Variants in NRDE2 observed in about 807,000 individuals in gnomAD.
The protein encoded by NRDE2 is nuclear exosome regulator NRDE2.
Under a neutral mutation model 124.2 loss-of-function variants are expected in NRDE2, and 76 were observed. That is an observed-to-expected ratio of 0.61 (90% confidence interval 0.51 to 0.74). The LOEUF (loss-of-function observed/expected upper bound fraction) is 0.74, where lower values mean the gene tolerates loss of function less well. Ranked by LOEUF, NRDE2 falls within the 30% of genes least tolerant of loss-of-function variation. The probability of loss-of-function intolerance (pLI) is 0.00; values close to 1 mark genes in which losing one functional copy is unlikely to be tolerated. For missense variants in NRDE2, 1,314 were observed against 1,417.3 expected, an observed-to-expected ratio of 0.93 and a Z score of 1.17; for synonymous variants, 489 against 528.1, an observed-to-expected ratio of 0.93 and a Z score of 1.01.
chr14:90,315,799 T>C (rs1885021658), intron 3 of NRDE2, among the ~76,000 whole-genome samples: 1 of 150,480 alleles, frequency 6.6e-6, no homozygotes, highest in East Asian at 2.0e-4. Flanking sequence ...CTACTAAAAA[T>C]ACAAAAAATT....
chr14:90,292,744 T>TA lies in NRDE2; in HGVS notation c.1794dup (p.Lys599Ter), dbSNP rs1231391402. On this transcript the variant is annotated frameshift_variant, in exon 9 of 14. Transcript: ENST00000354366. LOFTEE classifies it high-confidence loss of function. The stretch of plus-strand genomic sequence containing the variant: ...TCTTCCTCGGTTTGCTTCTTGGTCT[T>TA]ATCAGGGCGCCAGGGCCGCCAGTGC... The TA allele has an allele frequency of 2.5e-6, 4 of 1,614,068 alleles. No homozygotes were observed. Among genetic ancestry groups the TA allele is most frequent in the Admixed American group, 1.7e-5 (1 of 60,008 alleles).
intron 1 of NRDE2, among the ~76,000 whole-genome samples, chr14:90,328,608 T>G (rs906533165): frequency 1.3e-5 from 2 of 152,184 alleles, no homozygotes; most frequent in Admixed American, 6.5e-5. Flanking sequence ...CAGAGAACGT[T>G]AGACAGGGCA....
chr14:90,285,255 A>T (rs1892067308), intron 12 of NRDE2, among the ~76,000 whole-genome samples: 1 of 149,900 alleles, frequency 6.7e-6, no homozygotes, highest in South Asian at 2.1e-4. Flanking sequence ...TGGGCAACAG[A>T]ATGAGACCTT....
chr14:90,304,858 T>C (rs1484332455), intron 4 of NRDE2, among the ~76,000 whole-genome samples: 1 of 152,202 alleles, frequency 6.6e-6, no homozygotes, highest in Non-Finnish European at 1.5e-5. Flanking sequence ...CTTAAGAAGA[T>C]AACATATAGG....
Position 90,269,313 on chromosome 14 carries a change from T to C in NRDE2, c.*9023A>G. ...AACAGGAATGTTTGTTAAGGTGTTT[T>C]GTCACAATGAGGTCTTTGCTGTAAT... On this transcript the variant is annotated 3_prime_UTR_variant, in exon 14 of 14. Coordinates refer to ENST00000354366, the MANE Select transcript of NRDE2 (RefSeq NM_017970.4). 4.1e-6 allele frequency: 5 copies of C among 1,218,482 alleles called. No individual in the cohort carries two copies. The highest frequency in any genetic ancestry group is 5.7e-6 in the Non-Finnish European group (5 of 876,098). The allele number at this position is 1,218,482 out of a possible 1,614,324, so 75.5% of individuals were successfully genotyped here. A position where few individuals can be genotyped will look rare whatever the true frequency, so the allele number is the denominator to read the frequency against.
At chr14:90,302,375 T>C (rs575326757) in intron 6 of NRDE2, among the ~76,000 whole-genome samples, 25 of 152,294 alleles carry the variant, frequency 1.6e-4, no homozygotes, top group African/African-American at 4.6e-4. Flanking sequence ...CTCACGGACA[T>C]TACTGCCTGG....
At chr14:90,295,467 A>T (rs1049280498) in intron 8 of NRDE2, among the ~76,000 whole-genome samples, 4 of 152,198 alleles carry the variant, frequency 2.6e-5, no homozygotes, top group African/African-American at 9.6e-5. Flanking sequence ...CTAAAGATCT[A>T]TGTTTAAAGT....
intron 6 of NRDE2, 98 bp downstream of exon 6, chr14:90,302,622 C>G: frequency 7.8e-7 from 1 of 1,275,080 alleles, no homozygotes; most frequent in South Asian, 1.6e-5. Context: ...ACAATTTAGA[C>G]TTTTTCTAGA....
intron 12 of NRDE2, 62 bp downstream of exon 12, chr14:90,286,292 C>T: frequency 6.5e-7 from 1 of 1,539,618 alleles, no homozygotes; most frequent in Non-Finnish European, 8.8e-7. Flanking sequence ...TAAATACCTT[C>T]TCATTTATGA....
At chr14:90,294,857 G>A (rs772625406) in intron 8 of NRDE2, among the ~76,000 whole-genome samples, 1 of 152,118 alleles carries the variant, frequency 6.6e-6, no homozygotes, top group Admixed American at 6.6e-5. Context: ...TTTTGTTAAT[G>A]TTATATACCT....
In NRDE2 at chr14:90,290,585, T is replaced by C. The variant is rs765622805; in HGVS notation, c.1865A>G (p.Gln622Arg). The change falls in exon 10 of 14, where the codon CAA becomes CGA. Residue 622 changes from glutamine (Q) to arginine (R), a missense_variant. By Grantham distance (43) the Gln-to-Arg change is conservative. Coordinates refer to ENST00000354366, the MANE Select transcript of NRDE2 (RefSeq NM_017970.4). ...ERQVLFDDIG[Q>R]SLIRLSSHDL... is the part of the protein sequence containing the mutation. ...ATGGCTGGAAAGTCTGATCAAAGAT[T>C]GCCCAATATCATCAAACAACACCTG... 8 of 1,609,194 alleles carry C rather than the reference T, an allele frequency of 5.0e-6. No individual in the cohort carries two copies. Among genetic ancestry groups the C allele is most frequent in the South Asian group, 2.2e-5 (2 of 90,778 alleles).
Position 90,278,201 on chromosome 14 carries a change from CCCA to C in NRDE2, c.*132_*134del, listed in dbSNP as rs1418272162. The C allele has an allele frequency of 9.8e-7, 1 of 1,017,560 alleles. No individual in the cohort carries two copies. The highest frequency in any genetic ancestry group is 1.6e-5 in the African/African-American group (1 of 62,730). 63.0% of individuals were successfully genotyped at this position (1,017,560 alleles called of 1,614,324 possible). A position where few individuals can be genotyped will look rare whatever the true frequency, so the allele number is the denominator to read the frequency against. ...TGTGCAAGATGTGAGAGGCTGGCAG[CCCA>C]CATTATTACTATCGAGAAAGAACAT... On this transcript the variant is annotated 3_prime_UTR_variant, in exon 14 of 14. Coordinates refer to ENST00000354366, the MANE Select transcript of NRDE2 (RefSeq NM_017970.4).
chr14:90,316,685 C>T lies in NRDE2; in HGVS notation c.300G>A (p.Arg100=). Residue 100 remains arginine, a synonymous_variant, in exon 3 of 14, where the codon AGG becomes AGA. Transcript: ENST00000354366. ...TGCTGCTACTCGACGGCCCATGCTT[C>T]CTCTTTGTTTTCTTATGATGCTGAT... is the stretch of plus-strand genomic sequence containing the variant. The part of the protein sequence containing the change: ...RKHQHHKKTK[R]KHGPSSSSRS... 2.5e-6 allele frequency: 4 copies of T among 1,614,112 alleles called. No homozygotes were observed. The highest frequency in any genetic ancestry group is 3.4e-6 in the Non-Finnish European group (4 of 1,180,010).
Position 90,303,103 on chromosome 14 carries a change from C to G in NRDE2, c.1028G>C (p.Gly343Ala). Reference sequence around the variant, plus strand: ...CTCTCCTTCCTCGATGGCATACAGGCCAGGACTTTTCATGACCTCGTCCTC... The same window carrying G: ...CTCTCCTTCCTCGATGGCATACAGGGCAGGACTTTTCATGACCTCGTCCTC... ...AFQDEVMKSP[G>A]LYAIEEGEQE... Residue 343 changes from glycine to alanine, a missense_variant, in exon 6 of 14, where the codon GGC (glycine) becomes GCC (alanine). Gly to Ala is a moderately conservative substitution (Grantham distance 60). Transcript: ENST00000354366. The G allele has an allele frequency of 1.2e-6, 2 of 1,613,534 alleles. No homozygotes were observed. The highest frequency in any genetic ancestry group is 1.7e-6 in the Non-Finnish European group (2 of 1,179,778).
intron 6 of NRDE2, among the ~76,000 whole-genome samples, 190 bp from the exon 7 acceptor site, chr14:90,301,562 T>C (rs1884404591): frequency 6.6e-6 from 1 of 152,234 alleles, no homozygotes; most frequent in African/African-American, 2.4e-5. Context: ...GTATGTTTGT[T>C]CTAATTTTTG....
chr14:90,288,355 A>G lies in NRDE2; in HGVS notation c.3020T>C (p.Ile1007Thr), dbSNP rs1441623086. 2.5e-6 allele frequency: 4 copies of G among 1,614,160 alleles called. No homozygotes were observed. Among genetic ancestry groups the G allele is most frequent in the Non-Finnish European group, 3.4e-6 (4 of 1,180,024 alleles). The change falls in exon 11 of 14, where the codon ATT (isoleucine) becomes ACT (threonine). Residue 1007 changes from isoleucine to threonine, a missense_variant. Coordinates refer to ENST00000354366, the MANE Select transcript of NRDE2 (RefSeq NM_017970.4). The part of the protein sequence containing the change: ...NQVLWRSYVQ[I>T]QNKSHSASKT... Reference sequence around the variant, plus strand: ...GCTGGCACTGTGGGACTTATTCTGAATCTGTACATAGGACCTCCAAAGAAC... The same window carrying G: ...GCTGGCACTGTGGGACTTATTCTGAGTCTGTACATAGGACCTCCAAAGAAC...
At chr14:90,286,544 C>T in intron 11 of NRDE2, 52 bp from the exon 12 acceptor site, 2 of 1,585,790 alleles carry the variant, frequency 1.3e-6, no homozygotes, top group Middle Eastern at 1.7e-4. Context: ...CATCCTACAT[C>T]ACAGAAGGAA....
At chr14:90,286,522 C>T (rs377535383) in intron 11 of NRDE2, 30 bp from the exon 12 acceptor site, 1 of 1,604,124 alleles carries the variant, frequency 6.2e-7, no homozygotes. Context: ...GTGACTCTGA[C>T]ACAAGCTCTC....
chr14:90,312,633 A>G (rs1427878911), intron 3 of NRDE2, 90 bp from the exon 4 acceptor site: 10 of 1,228,648 alleles, frequency 8.1e-6, no homozygotes, highest in Non-Finnish European at 1.2e-5. Context: ...TGAGAGTTAA[A>G]CACTTCAAAC....
Sources: gnomAD v4.1 joint callset for allele counts (sites outside exome capture counted in the v4.1 genomes callset) on GRCh38, gnomAD v4.1.1 for gene constraint, MANE v1.5 for transcripts, NCBI Gene and HGNC (gene_info 2026-07-23, HGNC 2026-07-21) for gene names.